Variants in CES5A observed in about 807,000 individuals in gnomAD.
CES5A encodes the protein carboxylesterase 5A, also known as carboxylesterase 5.
CES5A carries 67 observed loss-of-function variants against 62.9 expected under a neutral mutation model. The observed-to-expected ratio is 1.07, with a 90% CI of 0.88 to 1.31. The LOEUF is 1.31. Among genes scored for constraint, CES5A ranks in the 50% most tolerant of loss-of-function variants. The pLI, the probability that CES5A is intolerant of heterozygous loss-of-function variation, is 0.00. For missense variants in CES5A, 748 were observed against 708.5 expected (o/e 1.06, Z -0.63); for synonymous variants, 296 against 280.8 (o/e 1.05, Z -0.54).
rs116320911 is a variant in CES5A, at chr16:55,910,456, C to G, written c.-256+14867G>C. ...CACTCATCTACCCCTTTCCTGAGGG[C>G]CTGTGCCACTTGCTCCCTGAGCCCC... On this transcript the variant is annotated intron_variant, in intron 1 of 12. Coordinates refer to the CES5A transcript ENST00000518005. Among the ~76,000 whole-genome samples the G allele has an allele frequency of 6.2e-3, 948 of 152,272 alleles. 14 individuals are homozygous for G. The highest frequency in any genetic ancestry group is 0.022 in the African/African-American group (915 of 41,548).
chr16:55,874,270 T>C (rs1414398914), intron 1 of CES5A, among the ~76,000 whole-genome samples: 1 of 152,186 alleles, frequency 6.6e-6, no homozygotes, highest in African/African-American at 2.4e-5. Flanking sequence ...CAGCAGTACC[T>C]AGCAACAAAA....
At chr16:55,893,502 T>C (rs538776463) in intron 1 of CES5A, among the ~76,000 whole-genome samples, 30 of 152,054 alleles carry the variant, frequency 2.0e-4, no homozygotes, top group African/African-American at 6.5e-4. Flanking sequence ...AATGGAAATA[T>C]GAAGAATTTC....
At chr16:55,937,934 A>G (rs542881775) in intron 2 of CES5A, among the ~76,000 whole-genome samples, 30 of 152,276 alleles carry the variant, frequency 2.0e-4, no homozygotes, top group Non-Finnish European at 3.4e-4. Context: ...TCTACCCCCT[A>G]GTTTGGGATC....
chr16:55,935,558 G>A (rs1225135980), intron 2 of CES5A, among the ~76,000 whole-genome samples: 1 of 152,142 alleles, frequency 6.6e-6, no homozygotes, highest in Non-Finnish European at 1.5e-5. Flanking sequence ...CTTAGAATAT[G>A]ATTTCTTCTC....
At chr16:55,932,403 T>C (rs1424738454) in intron 2 of CES5A, among the ~76,000 whole-genome samples, 1 of 152,216 alleles carries the variant, frequency 6.6e-6, no homozygotes, top group Non-Finnish European at 1.5e-5. Flanking sequence ...GGTACAATGA[T>C]GAATACAGGT....
upstream of CES5A, among the ~76,000 whole-genome samples, chr16:55,929,342 G>T (rs965062125): frequency 1.3e-5 from 2 of 152,206 alleles, no homozygotes; most frequent in Non-Finnish European, 2.9e-5. Flanking sequence ...ATGGGCTGCT[G>T]ACAGCATCCC....
intron 1 of CES5A, among the ~76,000 whole-genome samples, chr16:55,918,855 A>G (rs1243232454): frequency 3.3e-5 from 5 of 152,214 alleles, no homozygotes; most frequent in African/African-American, 1.2e-4. Flanking sequence ...TAGAATGATC[A>G]TGAGCATTCA....
upstream of CES5A, among the ~76,000 whole-genome samples, chr16:55,929,041 T>A (rs186120388): frequency 6.6e-6 from 1 of 152,282 alleles, no homozygotes; most frequent in East Asian, 1.9e-4. Flanking sequence ...ATCTGCAACA[T>A]TAAAGACACA....
At chr16:55,880,554 G>A (rs528869878) in intron 1 of CES5A, among the ~76,000 whole-genome samples, 103 of 152,274 alleles carry the variant, frequency 6.8e-4, no homozygotes, top group Admixed American at 1.3e-3. Context: ...AACCAAGTCA[G>A]TCGGTATGAG....
Position 55,955,713 on chromosome 16 carries a change from C to G in CES5A, c.42+131G>C, listed in dbSNP as rs1404663446. The G allele has an allele frequency of 4.2e-6, 4 of 958,250 alleles. No individual in the cohort carries two copies. In the African/African-American group the frequency reaches 4.9e-5, roughly 12 times the overall value. 59.4% of individuals were successfully genotyped at this position (958,250 alleles called of 1,614,324 possible). The stretch of plus-strand genomic sequence containing the variant: ...CTGGCAGTCAAGGTATCCATCTAGC[C>G]TACCGTGGGGGCTGACCCAGAGAGA... On this transcript the variant is annotated intron_variant, in intron 1 of 13. Coordinates refer to the CES5A transcript ENST00000521992.
chr16:55,898,672 A>G (rs1473061644), intron 1 of CES5A, among the ~76,000 whole-genome samples: 1 of 152,216 alleles, frequency 6.6e-6, no homozygotes, highest in African/African-American at 2.4e-5. Flanking sequence ...TTTCATCCTC[A>G]TAAAGGGATG....
chr16:55,889,190 A>T (rs761838747), intron 1 of CES5A, among the ~76,000 whole-genome samples: 2 of 152,128 alleles, frequency 1.3e-5, no homozygotes, highest in Non-Finnish European at 2.9e-5. Flanking sequence ...ATTCAACGCA[A>T]TGCTTCTGAC....
intron 2 of CES5A, among the ~76,000 whole-genome samples, chr16:55,949,370 G>T (rs1190265818): frequency 6.6e-6 from 1 of 152,212 alleles, no homozygotes. Context: ...GCCGCCAGGG[G>T]CAAAACCATT....
At chr16:55,932,228 A>C (rs1324938781) in intron 2 of CES5A, among the ~76,000 whole-genome samples, 2 of 152,196 alleles carry the variant, frequency 1.3e-5, no homozygotes, top group East Asian at 1.9e-4. Context: ...CCACCTCAGG[A>C]CTCTGCAGAG....
chr16:55,913,664 T>C (rs1169313071), intron 1 of CES5A, among the ~76,000 whole-genome samples: 1 of 152,212 alleles, frequency 6.6e-6, no homozygotes, highest in African/African-American at 2.4e-5. Context: ...CTGATTTCTT[T>C]CACTGTTATA....
intron 1 of CES5A, among the ~76,000 whole-genome samples, chr16:55,912,267 C>T (rs1267577970): frequency 6.6e-6 from 1 of 152,226 alleles, no homozygotes; most frequent in East Asian, 1.9e-4. Flanking sequence ...TGAGTGCATG[C>T]CAGTCTCTCC....
chr16:55,856,428 G>T lies in CES5A; in HGVS notation c.1074C>A (p.Ile358=), dbSNP rs1368140334. 6.2e-7 allele frequency: 1 copy of T among 1,614,076 alleles called. No individual in the cohort carries two copies. The highest frequency in any genetic ancestry group is 8.5e-7 in the Non-Finnish European group (1 of 1,179,994). Residue 358 remains isoleucine, a synonymous_variant, in exon 9 of 13, where the codon ATC becomes ATA. Coordinates refer to ENST00000290567, the MANE Select transcript of CES5A (RefSeq NM_001143685.2). The stretch of plus-strand genomic sequence containing the variant: ...CAAGGGACTTGTTGGAGCCACTGAG[G>T]ATCTCAGGAGCCTCCTTCTGTGGAG... ...FLLPMKEAPE[I]LSGSNKSLAL...
rs151269174 is a variant in CES5A, at chr16:55,856,740, C to A, written c.1057-295G>T. 3.9e-5 allele frequency among the ~76,000 whole-genome samples: 6 copies of A among 152,356 alleles called. No homozygotes were observed. In the East Asian group the frequency reaches 1.2e-3, roughly 29 times the overall value. On this transcript the variant is annotated intron_variant, in intron 8 of 12. Coordinates refer to ENST00000290567, the MANE Select transcript of CES5A (RefSeq NM_001143685.2). ...AATTGTGGCCCCCTCAAAATTTACACGTTGAAGCCTTAACCCCCTGCAATT... is the reference window on the plus strand; with the variant it reads ...AATTGTGGCCCCCTCAAAATTTACAAGTTGAAGCCTTAACCCCCTGCAATT...
chr16:55,894,352 CA>C (rs1459348017), intron 1 of CES5A, among the ~76,000 whole-genome samples: 3 of 151,444 alleles, frequency 2.0e-5, no homozygotes, highest in Non-Finnish European at 4.4e-5. Context: ...ACTAAAAGTA[CA>C]AAAAATCAGC....
Sources: gnomAD v4.1 joint callset for allele counts (sites outside exome capture counted in the v4.1 genomes callset) on GRCh38, gnomAD v4.1.1 for gene constraint, MANE v1.5 for transcripts, NCBI Gene and HGNC (gene_info 2026-07-23, HGNC 2026-07-21) for gene names.